RNF38: variants seen among roughly 807,000 people sequenced by gnomAD.
RNF38 encodes ring finger protein 38, also known as E3 ubiquitin-protein ligase RNF38.
RNF38 carries 15 observed loss-of-function variants against 67.2 expected under a neutral mutation model. The observed-to-expected ratio is 0.22, with a 90% CI of 0.15 to 0.34. The LOEUF is 0.34. Among genes scored for constraint, RNF38 ranks in the 10% least tolerant of loss-of-function variants. The pLI is 1.00. For missense variants in RNF38, 524 were observed against 639.9 expected, an observed-to-expected ratio of 0.82 and a Z score of 1.95; for synonymous variants, 220 against 218.8, an observed-to-expected ratio of 1.01 and a Z score of -0.05.
intron 2 of RNF38, among the ~76,000 whole-genome samples, chr9:36,420,162 G>A (rs1838581549): frequency 6.6e-6 from 1 of 152,184 alleles, no homozygotes; most frequent in African/African-American, 2.4e-5. Flanking sequence ...TATTTAATCT[G>A]TGCCTCAGAT....
At chr9:36,460,951 A>G (rs569986555) in intron 1 of RNF38, among the ~76,000 whole-genome samples, 50 of 151,824 alleles carry the variant, frequency 3.3e-4, no homozygotes, top group Non-Finnish European at 6.2e-4. Context: ...GATGGCTCAC[A>G]ACTGTAATTC....
chr9:36,399,131 A>G (rs1292936848), intron 1 of RNF38, among the ~76,000 whole-genome samples: 1 of 152,244 alleles, frequency 6.6e-6, no homozygotes, highest in African/African-American at 2.4e-5. Flanking sequence ...ATTTTAGTAG[A>G]GAAAATTCTC....
intron 1 of RNF38, among the ~76,000 whole-genome samples, chr9:36,450,654 C>A (rs1370052568): frequency 6.6e-6 from 1 of 151,920 alleles, no homozygotes; most frequent in East Asian, 1.9e-4. Flanking sequence ...GTGGCTCATG[C>A]CTGTAATCCT....
chr9:36,429,663 G>A (rs769997068), intron 1 of RNF38, among the ~76,000 whole-genome samples: 1 of 151,896 alleles, frequency 6.6e-6, no homozygotes, highest in Non-Finnish European at 1.5e-5. Flanking sequence ...GCATGGTGGC[G>A]GGCACCTGTA....
At chr9:36,409,245 A>AGAAG (rs72057765) in intron 2 of RNF38, among the ~76,000 whole-genome samples, 5,202 of 148,364 alleles carry the variant, frequency 0.035, 307 homozygotes, top group African/African-American at 0.12. Context: ...ATGGAAGGAA[A>AGAAG]GAAGGAAGGA....
At chr9:36,341,495 A>C (rs1311397298) in intron 11 of RNF38, among the ~76,000 whole-genome samples, 1 of 152,162 alleles carries the variant, frequency 6.6e-6, no homozygotes, top group African/African-American at 2.4e-5. Flanking sequence ...AGCCTATTAA[A>C]ATTCTTTTAC....
chr9:36,451,090 T>A (rs1695087434), intron 1 of RNF38, among the ~76,000 whole-genome samples: 1 of 152,218 alleles, frequency 6.6e-6, no homozygotes, highest in Admixed American at 6.5e-5. Flanking sequence ...ACTGTGTTAA[T>A]ACGCACCTTG....
chr9:36,479,329 G>A (rs531978645), intron 1 of RNF38, among the ~76,000 whole-genome samples: 1 of 152,362 alleles, frequency 6.6e-6, no homozygotes, highest in South Asian at 2.1e-4. Context: ...ACAGAAAAGA[G>A]TGGGTGGTAG....
intron 1 of RNF38, among the ~76,000 whole-genome samples, chr9:36,454,897 T>C (rs1839548982): frequency 6.6e-6 from 1 of 152,126 alleles, no homozygotes; most frequent in Non-Finnish European, 1.5e-5. Flanking sequence ...TTTTAAATCC[T>C]GTAAACAGAT....
At chr9:36,454,233 C>T (rs1381516260) in intron 1 of RNF38, among the ~76,000 whole-genome samples, 1 of 151,954 alleles carries the variant, frequency 6.6e-6, no homozygotes, top group African/African-American at 2.4e-5. Context: ...AAATGATTCT[C>T]CTGCCTCAGC....
intron 2 of RNF38, among the ~76,000 whole-genome samples, chr9:36,409,791 G>A (rs1018374626): frequency 4.6e-5 from 7 of 152,172 alleles, no homozygotes; most frequent in African/African-American, 1.4e-4. Context: ...TCCTGCCCGT[G>A]CCACATTCTA....
At chr9:36,371,825 G>C (rs1330982959) in intron 3 of RNF38, among the ~76,000 whole-genome samples, 2 of 151,878 alleles carry the variant, frequency 1.3e-5, no homozygotes, top group East Asian at 3.9e-4. Flanking sequence ...TTATGACTCT[G>C]TGTTCATACT....
chr9:36,398,502 T>C (rs1837720390), intron 1 of RNF38, among the ~76,000 whole-genome samples: 1 of 152,224 alleles, frequency 6.6e-6, no homozygotes, highest in Non-Finnish European at 1.5e-5. Context: ...TTATTCTAAA[T>C]TTCTCTCATT....
At chr9:36,355,432 T>TATATCCCAGTCCC (rs1343787037) in intron 6 of RNF38, among the ~76,000 whole-genome samples, 3 of 152,146 alleles carry the variant, frequency 2.0e-5, no homozygotes, top group Non-Finnish European at 4.4e-5. Context: ...GCCTCTCAAC[T>TATATCCCAGTCCC]ATATCCCAGT....
chr9:36,350,237 C>A (rs1833597273), intron 9 of RNF38, among the ~76,000 whole-genome samples: 1 of 152,206 alleles, frequency 6.6e-6, no homozygotes, highest in Non-Finnish European at 1.5e-5. Flanking sequence ...TCAGAACATG[C>A]ATGGTCTTAT....
chr9:36,466,520 C>T (rs1839865704), intron 1 of RNF38, among the ~76,000 whole-genome samples: 1 of 152,120 alleles, frequency 6.6e-6, no homozygotes, highest in Non-Finnish European at 1.5e-5. Flanking sequence ...CGTGGGTTCA[C>T]ACTATGATGA....
At chr9:36,478,204 A>G (rs1840164976) in intron 1 of RNF38, among the ~76,000 whole-genome samples, 1 of 150,650 alleles carries the variant, frequency 6.6e-6, no homozygotes, top group Non-Finnish European at 1.5e-5. Flanking sequence ...GGAGGCTGAG[A>G]CCATTCTGGC....
Position 36,482,480 on chromosome 9 carries a change from G to C in RNF38, n.241+4828C>G, listed in dbSNP as rs549040495. On this transcript the variant is annotated intron_variant and non_coding_transcript_variant, in intron 1 of 3. Transcript: ENST00000488058. ...CGATTCTCCTGCCTCAGCCTCCAAA[G>C]TAGCTGGGATTACAGGCATGCGCCA... 2.7e-5 allele frequency among the ~76,000 whole-genome samples: 4 copies of C among 150,942 alleles called. No homozygotes were observed. In the East Asian group the frequency reaches 7.9e-4, roughly 30 times the overall value.
rs1832618087 is a variant in RNF38, at chr9:36,338,631, A to C, written c.*1121T>G. The C allele has an allele frequency of 6.6e-6, 1 of 152,426 alleles. No individual in the cohort carries two copies. Among genetic ancestry groups the C allele is most frequent in the Non-Finnish European group, 1.5e-5 (1 of 68,036 alleles). 9.4% of individuals were successfully genotyped at this position (152,426 alleles called of 1,614,324 possible). ...GCTTGAACACAGAACACATATGAGA[A>C]GTCAAGCTGAATTAACAGGTTTTGT... On this transcript the variant is annotated 3_prime_UTR_variant, in exon 12 of 12. Coordinates refer to ENST00000259605, the MANE Select transcript of RNF38 (RefSeq NM_022781.5).
Sources: gnomAD v4.1 joint callset for allele counts (sites outside exome capture counted in the v4.1 genomes callset) on GRCh38, gnomAD v4.1.1 for gene constraint, MANE v1.5 for transcripts, NCBI Gene and HGNC (gene_info 2026-07-23, HGNC 2026-07-21) for gene names.